SCML2: variants seen among roughly 807,000 people sequenced by gnomAD.
The protein encoded by SCML2 is sex comb on midleg-like protein 2.
SCML2 carries 6 observed loss-of-function variants against 48.4 expected under a neutral mutation model. That is an observed-to-expected ratio of 0.12 (90% CI 0.07 to 0.24). SCML2 has a LOEUF of 0.24. SCML2 is among the 10% of genes least tolerant of loss of function. SCML2 has a pLI of 1.00. For synonymous variants in SCML2, 181 were observed against 189.5 expected (o/e 0.95, Z 0.37); for missense variants, 377 against 528.2 (o/e 0.71, Z 2.81).
intron 3 of SCML2, among the ~76,000 whole-genome samples, chrX:18,329,818 C>A (rs768694450): frequency 8.9e-6 from 1 of 112,667 alleles, no homozygotes; most frequent in South Asian, 3.7e-4. Context: ...TGGCTCACGC[C>A]TGTAATCCCA....
In SCML2 at chrX:18,239,550, A is replaced by G. The variant is rs1211975102; in HGVS notation, c.*1701T>C. The G allele has an allele frequency of 8.9e-6, 1 of 112,877 alleles. No homozygotes were observed. The highest frequency in any genetic ancestry group is 3.2e-5 in the African/African-American group (1 of 30,981). 9.3% of individuals were successfully genotyped at this position (112,877 alleles called of 1,213,427 possible). On this transcript the variant is annotated 3_prime_UTR_variant, in exon 15 of 15. Coordinates refer to ENST00000251900, the MANE Select transcript of SCML2 (RefSeq NM_006089.3). ...ATTTGGTTTTCTAAAAAGAAAATGT[A>G]CATTCTTGCCCCTGGTGAATATTTT... is the stretch of plus-strand genomic sequence containing the variant.
At chrX:18,335,214 T>G (rs1271976649) in intron 1 of SCML2, among the ~76,000 whole-genome samples, 1 of 105,308 alleles carries the variant, frequency 9.5e-6, no homozygotes, top group East Asian at 3.0e-4. Flanking sequence ...TTAAAATGAG[T>G]CTTATCAGGC....
chrX:18,323,885 T>C lies in SCML2; in HGVS notation c.371A>G (p.Glu124Gly). 4.1e-6 allele frequency: 5 copies of C among 1,209,489 alleles called. No homozygotes were observed. The highest frequency in any genetic ancestry group is 5.6e-6 in the Non-Finnish European group (5 of 893,377). The stretch of plus-strand genomic sequence containing the variant: ...TAGTGGAGGTTGAAGTAAGTCTCCT[T>C]CCTTTTCACATGTCCCAACAGGTTG... ...DIQPVGTCEKEGDLLQPPLGY... is the reference protein window; with the variant it reads ...DIQPVGTCEKGGDLLQPPLGY... Residue 124 changes from glutamate (E) to glycine (G), a missense_variant, in exon 5 of 15, where the codon GAA becomes GGA. By Grantham distance (98) the Glu-to-Gly change is moderately conservative. Transcript: ENST00000251900.
intron 1 of SCML2, among the ~76,000 whole-genome samples, chrX:18,343,628 C>T (rs769750599): frequency 3.0e-4 from 33 of 108,594 alleles, no homozygotes; most frequent in African/African-American, 9.4e-4. Flanking sequence ...GGTGTGGTGG[C>T]GGGCGCCTGT....
Position 18,324,934 on chromosome X carries a change from T to C in SCML2, c.135A>G (p.Ile45Met). Residue 45 changes from isoleucine (I) to methionine (M), a missense_variant, in exon 4 of 15, where the codon ATA becomes ATG. Ile to Met is a conservative substitution (Grantham distance 10). Transcript: ENST00000251900. ...WEEYLKETGS[I>M]SAPSECFRQS... is the part of the protein sequence containing the mutation. ...GACGGAAGCACTCTGAAGGAGCACT[T>C]ATAGACCCAGTCTCTTTCAAATACT... 1 of 1,205,657 alleles carries C rather than the reference T, an allele frequency of 8.3e-7. No individual in the cohort carries two copies. The highest frequency in any genetic ancestry group is 1.1e-6 in the Non-Finnish European group (1 of 890,376).
chrX:18,243,512 C>T (rs966099368), intron 13 of SCML2, among the ~76,000 whole-genome samples: 1 of 112,078 alleles, frequency 8.9e-6, no homozygotes, highest in Non-Finnish European at 1.9e-5. Context: ...CATCACTTTA[C>T]TCTTTAGATT....
chrX:18,299,038 C>T lies in SCML2; in HGVS notation c.730+5934G>A, dbSNP rs6629270. On this transcript the variant is annotated intron_variant, in intron 7 of 14. Transcript: ENST00000251900. ...AAAGCACAGGCCACAAAAACAAAAA[C>T]AGACAAGTGGGACTACATAAAACTA... Among the ~76,000 whole-genome samples, 741 of 111,171 alleles carry T rather than the reference C, an allele frequency of 6.7e-3. 5 individuals are homozygous for T. Among genetic ancestry groups the T allele is most frequent in the African/African-American group, 0.023 (694 of 30,573 alleles).
intron 7 of SCML2, among the ~76,000 whole-genome samples, chrX:18,295,696 C>T (rs1183212367): frequency 1.0e-5 from 1 of 97,685 alleles, no homozygotes; most frequent in Non-Finnish European, 2.0e-5. Flanking sequence ...TGTCCATATA[C>T]ACTGACCATG....
intron 7 of SCML2, among the ~76,000 whole-genome samples, chrX:18,279,521 A>T (rs1243943456): frequency 8.0e-5 from 9 of 112,462 alleles, no homozygotes; most frequent in South Asian, 7.3e-4. Context: ...AATGGTTCTT[A>T]ATCAGTCTGA....
intron 7 of SCML2, among the ~76,000 whole-genome samples, chrX:18,271,572 A>T (rs1721463657): frequency 1.8e-5 from 2 of 110,138 alleles, no homozygotes; most frequent in African/African-American, 6.6e-5. Flanking sequence ...ATCAGATGTG[A>T]AAGCATGTTT....
At chrX:18,304,917 C>T in intron 7 of SCML2, 55 bp downstream of exon 7, 4 of 1,154,290 alleles carry the variant, frequency 3.5e-6, no homozygotes, top group Admixed American at 2.4e-5. Flanking sequence ...CCACCAATGA[C>T]AGTTACATCT....
At chrX:18,318,576 C>G (rs1317590700) in intron 6 of SCML2, among the ~76,000 whole-genome samples, 1 of 112,257 alleles carries the variant, frequency 8.9e-6, no homozygotes, top group African/African-American at 3.2e-5. Context: ...ATAACAAATT[C>G]TTTCTGATGA....
intron 6 of SCML2, among the ~76,000 whole-genome samples, chrX:18,313,569 A>G (rs1929027217): frequency 9.0e-6 from 1 of 111,538 alleles, no homozygotes; most frequent in African/African-American, 3.3e-5. Flanking sequence ...CTGCTGCAGC[A>G]AAGTCCCTCC....
Position 18,324,976 on chromosome X carries a change from A to G in SCML2, c.93T>C (p.Asp31=), listed in dbSNP as rs1929433967. 1 of 1,187,693 alleles carries G rather than the reference A, an allele frequency of 8.4e-7. No homozygotes were observed. The highest frequency in any genetic ancestry group is 1.8e-5 in the African/African-American group (1 of 56,764). The change falls in exon 4 of 15, where the codon GAT becomes GAC. Residue 31 remains aspartate, a splice_region_variant and synonymous_variant. Transcript: ENST00000251900. The stretch of plus-strand genomic sequence containing the variant: ...TCAAATACTCCTCCCAGTGGAAATC[A>G]TCTGGAAAAAACACATGTGCAAAAT... The part of the protein sequence containing the change: ...PQSSTSSVQR[D]DFHWEEYLKE...
intron 2 of SCML2, 64 bp downstream of exon 2, chrX:18,333,986 C>G (rs1158523145): frequency 2.0e-6 from 2 of 1,014,950 alleles, no homozygotes; most frequent in Non-Finnish European, 2.7e-6. Flanking sequence ...GTTCAGTATA[C>G]CAGAAGATAT....
chrX:18,262,651 T>C (rs1279718203), intron 8 of SCML2, among the ~76,000 whole-genome samples: 1 of 107,204 alleles, frequency 9.3e-6, no homozygotes, highest in Non-Finnish European at 1.9e-5. Flanking sequence ...GGGTCTACTA[T>C]TTCATTGCCT....
At chrX:18,293,065 T>C (rs747013833) in intron 7 of SCML2, among the ~76,000 whole-genome samples, 1 of 111,831 alleles carries the variant, frequency 8.9e-6, no homozygotes, top group Non-Finnish European at 1.9e-5. Context: ...CTGCTTGCGA[T>C]AGTTGTATCC....
At chrX:18,321,021 A>C (rs1480376185) in intron 5 of SCML2, among the ~76,000 whole-genome samples, 2 of 111,770 alleles carry the variant, frequency 1.8e-5, no homozygotes, top group East Asian at 5.6e-4. Context: ...TTGATGAATA[A>C]ATAGAAGGGC....
chrX:18,290,689 A>T (rs1928204106), intron 7 of SCML2, among the ~76,000 whole-genome samples: 1 of 111,774 alleles, frequency 8.9e-6, no homozygotes, highest in South Asian at 3.7e-4. Flanking sequence ...CCAAAGACTA[A>T]TAATTTGTAT....
Sources: gnomAD v4.1 joint callset for allele counts (sites outside exome capture counted in the v4.1 genomes callset) on GRCh38, gnomAD v4.1.1 for gene constraint, MANE v1.5 for transcripts, NCBI Gene and HGNC (gene_info 2026-07-23, HGNC 2026-07-21) for gene names.